ZFPM2: variants seen among roughly 807,000 people sequenced by gnomAD.
ZFPM2 encodes the protein zinc finger protein, FOG family member 2.
In ZFPM2, 20 loss-of-function variants were observed where a neutral mutation model predicts 98.6. That is an observed-to-expected ratio of 0.20 (90% confidence interval 0.14 to 0.29). The LOEUF is 0.29. Among genes scored for constraint, ZFPM2 ranks in the 10% least tolerant of loss-of-function variants. The probability of loss-of-function intolerance (pLI) is 1.00; values close to 1 mark genes in which losing one functional copy is unlikely to be tolerated. For missense variants in ZFPM2, 1,310 were observed against 1,388.6 expected, an observed-to-expected ratio of 0.94 and a Z score of 0.90; for synonymous variants, 518 against 502.7, an observed-to-expected ratio of 1.03 and a Z score of -0.41.
intron 3 of ZFPM2, among the ~76,000 whole-genome samples, chr8:105,556,976 G>A (rs563612384): frequency 5.8e-4 from 88 of 152,100 alleles, no homozygotes; most frequent in Non-Finnish European, 1.0e-3. Context: ...CAATCACCTC[G>A]GCCTCCCAAA....
At chr8:105,523,891 A>G (rs1399917703) in intron 3 of ZFPM2, among the ~76,000 whole-genome samples, 2 of 152,162 alleles carry the variant, frequency 1.3e-5, no homozygotes. Context: ...CTGGGAGAAC[A>G]TAGTGGCAGC....
At chr8:105,746,320 C>T (rs1812343663) in intron 5 of ZFPM2, among the ~76,000 whole-genome samples, 1 of 151,816 alleles carries the variant, frequency 6.6e-6, no homozygotes, top group African/African-American at 2.4e-5. Flanking sequence ...GATAACGATT[C>T]CCAGTGTCTT....
At chr8:105,672,625 C>G (rs1312684827) in intron 5 of ZFPM2, among the ~76,000 whole-genome samples, 1 of 152,000 alleles carries the variant, frequency 6.6e-6, no homozygotes, top group Non-Finnish European at 1.5e-5. Flanking sequence ...TTTCTCATGA[C>G]TTTACAATTA....
At position 105,608,298 on chromosome 8, in the gene ZFPM2, G is replaced by A. The variant is rs146597471; in HGVS notation, c.421-25948G>A. ...TACCTGTGTAACAAACCTGCACAAC[G>A]TACCCTCGAATCTAAAATAAAAACT... On this transcript the variant is annotated intron_variant, in intron 4 of 7. Transcript: ENST00000407775. Among the ~76,000 whole-genome samples the A allele has an allele frequency of 7.9e-5, 12 of 152,026 alleles. No individual in the cohort carries two copies. The Middle Eastern group carries it at 0.014, about 172-fold the overall frequency.
chr8:105,754,596 T>C (rs1467064789), intron 5 of ZFPM2, among the ~76,000 whole-genome samples: 1 of 152,122 alleles, frequency 6.6e-6, no homozygotes, highest in Non-Finnish European at 1.5e-5. Flanking sequence ...CAATTTCTTA[T>C]TCAACGACCT....
At chr8:105,650,853 C>G (rs10111322) in intron 5 of ZFPM2, among the ~76,000 whole-genome samples, 71,449 of 151,996 alleles carry the variant, frequency 0.47, 17,010 homozygotes, top group African/African-American at 0.54. Flanking sequence ...TGTTGATTTG[C>G]GGTGGAGAGT....
intron 5 of ZFPM2, among the ~76,000 whole-genome samples, chr8:105,659,998 A>T (rs1178701070): frequency 3.3e-5 from 5 of 152,218 alleles, no homozygotes; most frequent in Non-Finnish European, 5.9e-5. Context: ...TTTTATCCTG[A>T]TACTAACAAA....
At chr8:105,513,134 A>G (rs1008073201) in intron 3 of ZFPM2, among the ~76,000 whole-genome samples, 2 of 152,178 alleles carry the variant, frequency 1.3e-5, no homozygotes, top group African/African-American at 4.8e-5. Flanking sequence ...CCCAACGTGC[A>G]AAATAGCAGA....
intron 1 of ZFPM2, chr8:105,414,766 C>T (rs1165278533): frequency 6.6e-6 from 1 of 152,026 alleles, no homozygotes; most frequent in Non-Finnish European, 1.5e-5. Flanking sequence ...GCTTCTTAAC[C>T]ATGCAAATCC....
intron 3 of ZFPM2, among the ~76,000 whole-genome samples, chr8:105,558,513 T>C (rs1236870743): frequency 6.6e-6 from 1 of 152,158 alleles, no homozygotes; most frequent in African/African-American, 2.4e-5. Context: ...TTTTAATGGA[T>C]AATCAAAGAC....
At chr8:105,523,485 A>G (rs1355128041) in intron 3 of ZFPM2, among the ~76,000 whole-genome samples, 2 of 152,110 alleles carry the variant, frequency 1.3e-5, no homozygotes, top group Non-Finnish European at 2.9e-5. Flanking sequence ...CTCCCCAACC[A>G]GTGAGTGGTG....
intron 5 of ZFPM2, among the ~76,000 whole-genome samples, chr8:105,758,635 A>C (rs1298627139): frequency 2.6e-5 from 4 of 151,894 alleles, no homozygotes; most frequent in Non-Finnish European, 5.9e-5. Flanking sequence ...CATTTTTAGG[A>C]GTCTTATTGG....
At chr8:105,423,054 A>T (rs1348717027) in intron 2 of ZFPM2, among the ~76,000 whole-genome samples, 1 of 127,892 alleles carries the variant, frequency 7.8e-6, no homozygotes, top group African/African-American at 4.0e-5. Context: ...CTGAAGGGCA[A>T]GTTTTTCTAG....
rs538653703 is a variant in ZFPM2, at chr8:105,485,147, G to A, written c.301+40766G>A. 5.8e-4 allele frequency among the ~76,000 whole-genome samples: 88 copies of A among 152,298 alleles called. 1 individual carries two copies. Among genetic ancestry groups the A allele is most frequent in the African/African-American group, 2.0e-3 (83 of 41,572 alleles). The stretch of plus-strand genomic sequence containing the variant: ...TTCATGAAGTGGCCTCAGTTCCAGC[G>A]AGTCATGTGGGCCTAAGCCTTAATC... On this transcript the variant is annotated intron_variant, in intron 3 of 7. Transcript: ENST00000407775.
intron 3 of ZFPM2, among the ~76,000 whole-genome samples, chr8:105,508,176 G>T (rs1320138864): frequency 1.3e-5 from 2 of 152,092 alleles, no homozygotes; most frequent in African/African-American, 4.8e-5. Flanking sequence ...ATACCTCACC[G>T]TTTACAGCAG....
chr8:105,457,590 A>C (rs1014114590), intron 3 of ZFPM2, among the ~76,000 whole-genome samples: 1 of 152,214 alleles, frequency 6.6e-6, no homozygotes, highest in African/African-American at 2.4e-5. Context: ...GATGCTGATG[A>C]GGTAACACAG....
intron 1 of ZFPM2, among the ~76,000 whole-genome samples, chr8:105,392,010 A>G (rs1811119060): frequency 6.6e-6 from 1 of 152,238 alleles, no homozygotes; most frequent in Non-Finnish European, 1.5e-5. Context: ...TGGCAGCTGT[A>G]GCCGTATAAA....
Position 105,495,989 on chromosome 8 carries a change from C to T in ZFPM2, c.301+51608C>T, listed in dbSNP as rs144793401. Among the ~76,000 whole-genome samples, 549 of 152,208 alleles carry T rather than the reference C, an allele frequency of 3.6e-3. 3 individuals carry two copies. The highest frequency in any genetic ancestry group is 0.012 in the African/African-American group (505 of 41,524). ...AGCTTCTTCTAATGTTATGATTTTA[C>T]GTAGCCATATTAGGATTACAAAAAA... is the stretch of plus-strand genomic sequence containing the variant. On this transcript the variant is annotated intron_variant, in intron 3 of 7. Transcript: ENST00000407775.
rs377638886 is a variant in ZFPM2 at position 105,770,534 on chromosome 8, T to C, written c.533-18184T>C. Among the ~76,000 whole-genome samples, 10 of 152,250 alleles carry C rather than the reference T, an allele frequency of 6.6e-5. No individual in the cohort carries two copies. The East Asian group carries it at 1.9e-3, about 29-fold the overall frequency. ...CCCCCAACCCCCACATTATCGTGAATAAAATAAGACCTCACAGTAAGTGTT... is the reference window on the plus strand; with the variant it reads ...CCCCCAACCCCCACATTATCGTGAACAAAATAAGACCTCACAGTAAGTGTT... On this transcript the variant is annotated intron_variant, in intron 5 of 7. Coordinates refer to ENST00000407775, the MANE Select transcript of ZFPM2 (RefSeq NM_012082.4).
Sources: allele counts gnomAD v4.1 joint callset (sites outside exome capture counted in the v4.1 genomes callset), GRCh38; gene constraint gnomAD v4.1.1; transcripts MANE v1.5; gene names NCBI Gene and HGNC (gene_info 2026-07-23, HGNC 2026-07-21).